Variants in ARHGEF18 observed in about 807,000 individuals in gnomAD.
The protein encoded by ARHGEF18 is rho guanine nucleotide exchange factor 18.
A neutral mutation model predicts 155.7 loss-of-function variants in ARHGEF18; 93 were observed. That is an observed-to-expected ratio of 0.60 (90% CI 0.50 to 0.71). The LOEUF is 0.71. Among genes scored for constraint, ARHGEF18 ranks in the 30% least tolerant of loss-of-function variants. ARHGEF18 has a pLI of 0.00. For missense variants in ARHGEF18, 1,593 were observed against 1,816.1 expected (o/e 0.88, Z 2.23); for synonymous variants, 742 against 753.1 (o/e 0.99, Z 0.24).
At chr19:7,383,652 CCTGT>C (rs1970853234) in intron 10 of ARHGEF18, among the ~76,000 whole-genome samples, 1 of 152,082 alleles carries the variant, frequency 6.6e-6, no homozygotes, top group South Asian at 2.1e-4. Flanking sequence ...CTCACATGGC[CCTGT>C]CTGTGTCCCA....
chr19:7,448,821 C>T (rs12611204), intron 15 of ARHGEF18, among the ~76,000 whole-genome samples: 27,969 of 151,942 alleles, frequency 0.18, 2,860 homozygotes, highest in Non-Finnish European at 0.23. Context: ...TCAAGGGAGA[C>T]CCCACCTCCC....
At chr19:7,416,236 TAA>T (rs34427454) in intron 10 of ARHGEF18, among the ~76,000 whole-genome samples, 1 of 150,852 alleles carries the variant, frequency 6.6e-6, no homozygotes, top group Non-Finnish European at 1.5e-5. Flanking sequence ...ACCCTATCTC[TAA>T]AAAAAAAATT....
At chr19:7,456,852 C>T (rs1472077629) in intron 18 of ARHGEF18, among the ~76,000 whole-genome samples, 1 of 152,172 alleles carries the variant, frequency 6.6e-6, no homozygotes, top group African/African-American at 2.4e-5. Flanking sequence ...TGTGAGTTTT[C>T]CAGGCCCACA....
At chr19:7,459,684 G>C (rs959064872) in intron 19 of ARHGEF18, among the ~76,000 whole-genome samples, 8 of 152,244 alleles carry the variant, frequency 5.3e-5, no homozygotes, top group Non-Finnish European at 1.2e-4. Flanking sequence ...TCACAGGCAG[G>C]CATGTAAAGC....
chr19:7,368,549 A>G (rs1472482403), intron 2 of ARHGEF18, among the ~76,000 whole-genome samples: 1 of 152,022 alleles, frequency 6.6e-6, no homozygotes, highest in African/African-American at 2.4e-5. Context: ...AACAGCCTGT[A>G]CTGCCTGGCT....
chr19:7,370,460 C>T (rs2145392412), intron 2 of ARHGEF18, among the ~76,000 whole-genome samples: 1 of 152,190 alleles, frequency 6.6e-6, no homozygotes, highest in South Asian at 2.1e-4. Context: ...TGCACCACTG[C>T]ACTCCAGCCT....
At chr19:7,362,075 A>G (rs1421030159) in intron 1 of ARHGEF18, among the ~76,000 whole-genome samples, 27 of 22,762 alleles carry the variant, frequency 1.2e-3, no homozygotes, top group African/African-American at 8.3e-3. Flanking sequence ...GAGAAGGAGA[A>G]GGAGAAGGAG....
At chr19:7,451,056 C>A in intron 15 of ARHGEF18, 93 bp from the exon 16 acceptor site, 1 of 805,712 alleles carries the variant, frequency 1.2e-6, no homozygotes, top group Non-Finnish European at 1.7e-6. Context: ...GATGTTAATG[C>A]GGGATCTTGC....
intron 10 of ARHGEF18, among the ~76,000 whole-genome samples, chr19:7,398,462 G>A (rs1402972185): frequency 6.6e-6 from 1 of 152,030 alleles, no homozygotes; most frequent in Non-Finnish European, 1.5e-5. Flanking sequence ...TTGGGAGGTC[G>A]AGGTGGGCAG....
At chr19:7,356,574 A>G (rs556774507) in intron 1 of ARHGEF18, among the ~76,000 whole-genome samples, 33 of 152,220 alleles carry the variant, frequency 2.2e-4, no homozygotes, top group Non-Finnish European at 4.4e-4. Context: ...GCGCCCAGCC[A>G]TCAAAGAGAC....
Position 7,467,203 on chromosome 19 carries a change from G to GCCCTC in ARHGEF18, c.3010-9_3010-5dup. The GCCCTC allele has an allele frequency of 6.3e-7, 1 of 1,583,274 alleles. No homozygotes were observed. The highest frequency in any genetic ancestry group is 8.6e-7 in the Non-Finnish European group (1 of 1,160,840). ...TGCGGCTCTCACTCGCCTGGCCCTG[G>GCCCTC]CCCTCCGCAGGCGGTAATCGCCCAC... On this transcript the variant is annotated splice_polypyrimidine_tract_variant and intron_variant, in intron 25 of 28. Coordinates refer to ENST00000668164, the MANE Select transcript of ARHGEF18 (RefSeq NM_001367823.1).
At chr19:7,352,531 C>CTTTT (rs35219215) in intron 1 of ARHGEF18, among the ~76,000 whole-genome samples, 1,855 of 93,138 alleles carry the variant, frequency 0.02, 210 homozygotes, top group African/African-American at 0.063. Context: ...CCTAGGTTTC[C>CTTTT]TTTTTTTTTT....
intron 10 of ARHGEF18, among the ~76,000 whole-genome samples, chr19:7,434,276 AC>A (rs1339685517): frequency 6.6e-6 from 1 of 152,114 alleles, no homozygotes; most frequent in African/African-American, 2.4e-5. Flanking sequence ...GGCATGAGCC[AC>A]TGTGCCTGGC....
intron 10 of ARHGEF18, among the ~76,000 whole-genome samples, chr19:7,415,883 G>A (rs771516825): frequency 2.0e-5 from 3 of 152,012 alleles, no homozygotes; most frequent in Non-Finnish European, 4.4e-5. Context: ...ATTTTCACCC[G>A]CTTGCTAAAA....
intron 13 of ARHGEF18, among the ~76,000 whole-genome samples, chr19:7,443,331 A>G (rs1205995939): frequency 6.6e-6 from 1 of 152,078 alleles, no homozygotes; most frequent in Non-Finnish European, 1.5e-5. Flanking sequence ...CTAGGATTAC[A>G]GGCGTCAGCC....
intron 16 of ARHGEF18, among the ~76,000 whole-genome samples, chr19:7,452,388 TA>T (rs2145839917): frequency 6.6e-6 from 1 of 152,282 alleles, no homozygotes; most frequent in South Asian, 2.1e-4. Context: ...TTCCCCACTA[TA>T]AAAGCCACAT....
At chr19:7,405,549 A>G (rs986520416) in intron 10 of ARHGEF18, among the ~76,000 whole-genome samples, 9 of 152,342 alleles carry the variant, frequency 5.9e-5, no homozygotes, top group Middle Eastern at 6.8e-3. Context: ...TTGGTGGGAC[A>G]CTGTTCAGCC....
chr19:7,364,434 G>A (rs1051706624), intron 2 of ARHGEF18, among the ~76,000 whole-genome samples: 1 of 141,568 alleles, frequency 7.1e-6, no homozygotes, highest in Non-Finnish European at 1.6e-5. Flanking sequence ...ATACAGCCTA[G>A]AAAGGTAGAC....
chr19:7,428,467 A>G (rs2145711606), intron 10 of ARHGEF18, among the ~76,000 whole-genome samples: 1 of 151,988 alleles, frequency 6.6e-6, no homozygotes, highest in Non-Finnish European at 1.5e-5. Flanking sequence ...ATCATAGCTC[A>G]CTGTAGCCTC....
Sources: gnomAD v4.1 joint callset for allele counts (sites outside exome capture counted in the v4.1 genomes callset) on GRCh38, gnomAD v4.1.1 for gene constraint, MANE v1.5 for transcripts, NCBI Gene and HGNC (gene_info 2026-07-23, HGNC 2026-07-21) for gene names.